The following CDK5RAP2 variants were observed in gnomAD, a reference collection of about 807,000 sequenced individuals.
CDK5RAP2 encodes the protein CDK5 regulatory subunit-associated protein 2.
Under a neutral mutation model 232.9 loss-of-function variants are expected in CDK5RAP2, and 147 were observed. The ratio of observed to expected loss-of-function variants is 0.63; its 90% CI spans 0.55 to 0.72. The LOEUF (loss-of-function observed/expected upper bound fraction) is 0.72, where lower values mean the gene tolerates loss of function less well. CDK5RAP2 is among the 30% of genes least tolerant of loss of function. The probability of loss-of-function intolerance (pLI) is 0.00; values close to 1 mark genes in which losing one functional copy is unlikely to be tolerated. For missense variants in CDK5RAP2, 2,195 were observed against 2,231.5 expected (o/e 0.98, Z 0.33); for synonymous variants, 833 against 833.7 (o/e 1.00, Z 0.01).
chr9:120,522,482 G>A (rs2040715913), intron 11 of CDK5RAP2, among the ~76,000 whole-genome samples: 1 of 152,166 alleles, frequency 6.6e-6, no homozygotes, highest in Admixed American at 6.5e-5. Context: ...GCATAAATAT[G>A]CATTACAGTC....
At chr9:120,444,380 T>A (rs117933948) in intron 22 of CDK5RAP2, among the ~76,000 whole-genome samples, 6 of 152,348 alleles carry the variant, frequency 3.9e-5, no homozygotes, top group Non-Finnish European at 8.8e-5. Context: ...CAACCCTGTA[T>A]TGATTTAGTT....
At chr9:120,555,753 A>G (rs375508534) in intron 3 of CDK5RAP2, among the ~76,000 whole-genome samples, 1 of 152,226 alleles carries the variant, frequency 6.6e-6, no homozygotes, top group Admixed American at 6.5e-5. Flanking sequence ...AAACCTGTAC[A>G]TAAATGTTTA....
At chr9:120,390,495 C>T (rs1488520566) in intron 36 of CDK5RAP2, among the ~76,000 whole-genome samples, 1 of 152,170 alleles carries the variant, frequency 6.6e-6, no homozygotes, top group Non-Finnish European at 1.5e-5. Context: ...TAGAAAGATC[C>T]CCCGTGCATG....
intron 15 of CDK5RAP2, 44 bp from the exon 16 acceptor site, chr9:120,471,922 G>T: frequency 1.2e-6 from 2 of 1,612,568 alleles, no homozygotes; most frequent in Non-Finnish European, 1.7e-6. Flanking sequence ...AGACCTATTT[G>T]TACTTTTAGA....
chr9:120,539,222 A>C lies in CDK5RAP2; in HGVS notation c.384-58T>G, dbSNP rs531882400. 3.7e-6 allele frequency: 6 copies of C among 1,607,996 alleles called. No individual in the cohort carries two copies. In the Admixed American group the frequency reaches 5.0e-5, roughly 13 times the overall value. The stretch of plus-strand genomic sequence containing the variant: ...AGGGTGATGGTCTGATGGTTATTTC[A>C]CAGCCCCAAAGAGACAAGGAGTATT... On this transcript the variant is annotated intron_variant, in intron 5 of 37. Coordinates refer to ENST00000349780, the MANE Select transcript of CDK5RAP2 (RefSeq NM_018249.6).
At chr9:120,549,823 A>T (rs887023436) in intron 4 of CDK5RAP2, among the ~76,000 whole-genome samples, 1 of 152,232 alleles carries the variant, frequency 6.6e-6, no homozygotes, top group Non-Finnish European at 1.5e-5. Context: ...AAAAGGGGAC[A>T]TCCTCACTGT....
chr9:120,567,878 G>C (rs1358912529), intron 3 of CDK5RAP2, among the ~76,000 whole-genome samples: 1 of 152,184 alleles, frequency 6.6e-6, no homozygotes, highest in East Asian at 1.9e-4. Flanking sequence ...CTAGTCTTAA[G>C]ATTCCTAACC....
intron 27 of CDK5RAP2, 75 bp from the exon 28 acceptor site, chr9:120,415,234 A>G: frequency 6.5e-7 from 1 of 1,543,172 alleles, no homozygotes; most frequent in South Asian, 1.1e-5. Context: ...TTATGCAGGG[A>G]TCCTGAAATT....
intron 14 of CDK5RAP2, among the ~76,000 whole-genome samples, chr9:120,479,778 T>C (rs1001056277): frequency 6.6e-6 from 1 of 152,224 alleles, no homozygotes; most frequent in Admixed American, 6.5e-5. Context: ...GGCATGATCC[T>C]GAATAGGATC....
chr9:120,477,136 T>G (rs1400329387), intron 15 of CDK5RAP2, among the ~76,000 whole-genome samples: 5 of 152,248 alleles, frequency 3.3e-5, no homozygotes, highest in Admixed American at 6.5e-5. Flanking sequence ...TAATCAATTT[T>G]GTTGCCAAAA....
At chr9:120,577,694 T>C (rs1401764546) in intron 1 of CDK5RAP2, among the ~76,000 whole-genome samples, 1 of 152,210 alleles carries the variant, frequency 6.6e-6, no homozygotes, top group East Asian at 1.9e-4. Context: ...TTCATTTTAA[T>C]CCTTATGCCA....
intron 12 of CDK5RAP2, among the ~76,000 whole-genome samples, chr9:120,496,744 C>G (rs2039283629): frequency 8.2e-6 from 1 of 121,824 alleles, no homozygotes; most frequent in Non-Finnish European, 1.6e-5. Flanking sequence ...GTTGGGGGGT[C>G]AGCCCCCCGC....
At chr9:120,538,882 T>C (rs1222912687) in intron 6 of CDK5RAP2, among the ~76,000 whole-genome samples, 159 bp downstream of exon 6, 2 of 152,254 alleles carry the variant, frequency 1.3e-5, no homozygotes, top group East Asian at 1.9e-4. Flanking sequence ...ATTATACATA[T>C]AAAATGCCTG....
intron 21 of CDK5RAP2, among the ~76,000 whole-genome samples, chr9:120,451,921 T>C (rs1025878840): frequency 2.0e-5 from 3 of 149,036 alleles, no homozygotes; most frequent in African/African-American, 7.3e-5. Flanking sequence ...CAATCCCTAA[T>C]AGATACTAAA....
Position 120,400,709 on chromosome 9 carries a change from C to T in CDK5RAP2, c.5451+33G>A, listed in dbSNP as rs767452444. On this transcript the variant is annotated intron_variant, in intron 35 of 37. Coordinates refer to ENST00000349780, the MANE Select transcript of CDK5RAP2 (RefSeq NM_018249.6). ...ACTGAGACACAGGCCCCAGTGGCATCCTTGAGCCTCTGAAACATGTGTCAC... is the reference window on the plus strand; with the variant it reads ...ACTGAGACACAGGCCCCAGTGGCATTCTTGAGCCTCTGAAACATGTGTCAC... 1.9e-6 allele frequency: 3 copies of T among 1,611,970 alleles called. No homozygotes were observed. The African/African-American group carries it at 4.0e-5, about 22-fold the overall frequency.
chr9:120,510,575 A>G (rs1354660186), intron 12 of CDK5RAP2, among the ~76,000 whole-genome samples: 3 of 152,206 alleles, frequency 2.0e-5, no homozygotes, highest in Admixed American at 6.5e-5. Flanking sequence ...GCACATGTGC[A>G]CACTCACACA....
intron 3 of CDK5RAP2, 151 bp downstream of exon 3, chr9:120,568,170 A>C (rs1436656630): frequency 2.7e-6 from 2 of 730,908 alleles, no homozygotes; most frequent in African/African-American, 1.7e-5. Context: ...TGTACGTAAA[A>C]GTCTCACAGA....
intron 22 of CDK5RAP2, among the ~76,000 whole-genome samples, chr9:120,444,687 G>T (rs552319308): frequency 6.6e-6 from 1 of 152,320 alleles, no homozygotes; most frequent in East Asian, 1.9e-4. Context: ...TTTGGCTATG[G>T]ATCTTCATAA....
At position 120,551,586 on chromosome 9, in the gene CDK5RAP2, C is replaced by T. The variant is rs1480977276; in HGVS notation, c.196-684G>A. ...CCTGTATCTAATCAAGAGGAGTCTA[C>T]CAGATAAATCTAAGTTGAAGAACAT... On this transcript the variant is annotated intron_variant, in intron 3 of 37. Transcript: ENST00000349780. Among the ~76,000 whole-genome samples the T allele has an allele frequency of 2.0e-5, 3 of 152,110 alleles. No individual in the cohort carries two copies. The East Asian group carries it at 5.8e-4, about 29-fold the overall frequency.
Sources: gnomAD v4.1 joint callset for allele counts (sites outside exome capture counted in the v4.1 genomes callset) on GRCh38, gnomAD v4.1.1 for gene constraint, MANE v1.5 for transcripts, NCBI Gene and HGNC (gene_info 2026-07-23, HGNC 2026-07-21) for gene names.